Variants in FKBP15 observed in about 807,000 individuals in gnomAD.
FKBP15 encodes FKBP prolyl isomerase family member 15, also known as FK506-binding protein 15.
Under a neutral mutation model 158.1 loss-of-function variants are expected in FKBP15, and 106 were observed. That is an observed-to-expected ratio of 0.67 (90% CI 0.57 to 0.79). The LOEUF is 0.79. Ranked by LOEUF, FKBP15 falls within the 30% of genes least tolerant of loss-of-function variation. FKBP15 has a pLI of 0.00. For missense variants in FKBP15, 1,287 were observed against 1,479.1 expected, an observed-to-expected ratio of 0.87 and a Z score of 2.13; for synonymous variants, 547 against 548.6, an observed-to-expected ratio of 1.00 and a Z score of 0.04.
At chr9:113,216,115 A>G (rs1831127999) in intron 1 of FKBP15, among the ~76,000 whole-genome samples, 1 of 143,848 alleles carries the variant, frequency 7.0e-6, no homozygotes, top group South Asian at 2.2e-4. Flanking sequence ...TGCAAGGCAC[A>G]ATAAAGCAAA....
At chr9:113,183,375 G>T (rs1187175646) in intron 18 of FKBP15, among the ~76,000 whole-genome samples, 1 of 151,372 alleles carries the variant, frequency 6.6e-6, no homozygotes, top group Non-Finnish European at 1.5e-5. Flanking sequence ...GTGAAGTTTT[G>T]GCTGAGTTCT....
At position 113,184,333 on chromosome 9, in the gene FKBP15, C is replaced by G. The variant is rs2118888693; in HGVS notation, c.1675G>C (p.Glu559Gln). 2 of 1,605,952 alleles carry G rather than the reference C, an allele frequency of 1.2e-6. No homozygotes were observed. Among genetic ancestry groups the G allele is most frequent in the East Asian group, 4.5e-5 (2 of 44,754 alleles). ...ATGTTGCTCATAATCATGCTTGTTT[C>G]CATTGTAACTGACATGCTAGGAATA... ...MLIPSMSVTM[E>Q]TSMIMSNIQR... is the part of the protein sequence containing the mutation. The change falls in exon 17 of 28, where the codon GAA becomes CAA. Residue 559 changes from glutamate to glutamine, a missense_variant. Coordinates refer to ENST00000238256, the MANE Select transcript of FKBP15 (RefSeq NM_015258.2). This position sits in a 1 kb window ranked among gnomAD's most constrained non-coding sequence, Gnocchi z 4.5.
chr9:113,191,411 G>C (rs1830572728), intron 11 of FKBP15, among the ~76,000 whole-genome samples: 1 of 151,766 alleles, frequency 6.6e-6, no homozygotes, highest in Admixed American at 6.6e-5. Flanking sequence ...AAGACACTGA[G>C]TTTGCTTACA....
rs767730507 is a variant in FKBP15, at chr9:113,207,223, A to G, written c.243T>C (p.His81=). ...TPTILVATAV[H]AYRYTNGQYV... is the part of the protein sequence containing the mutation. ...TCTCAGCGACTTACTATCGATATGC[A>G]TGGACTGCTGTTGCGACCAGTATTG... The change falls in exon 3 of 28, where the codon CAT becomes CAC. Residue 81 remains histidine (H), a synonymous_variant. Coordinates refer to ENST00000238256, the MANE Select transcript of FKBP15 (RefSeq NM_015258.2). 27 of 1,612,640 alleles carry G rather than the reference A, an allele frequency of 1.7e-5. No homozygotes were observed. In the South Asian group the frequency reaches 2.6e-4, roughly 16 times the overall value.
At position 113,163,722 on chromosome 9, in the gene FKBP15, C is replaced by T. The variant is rs1405821736; in HGVS notation, c.*2356G>A. 1.3e-5 allele frequency: 2 copies of T among 152,458 alleles called. No homozygotes were observed. The highest frequency in any genetic ancestry group is 4.8e-5 in the African/African-American group (2 of 41,470). 9.4% of individuals were successfully genotyped at this position (152,458 alleles called of 1,614,324 possible). A position where few individuals can be genotyped will look rare whatever the true frequency, so the allele number is the denominator to read the frequency against. On this transcript the variant is annotated 3_prime_UTR_variant, in exon 28 of 28. Transcript: ENST00000238256. ...GCACTGCCTGCAGGAAGAAGATGAT[C>T]TGATGGCCGTGGGTGTCTGGGAAGC...
chr9:113,206,911 T>C, intron 3 of FKBP15: 2 of 435,304 alleles, frequency 4.6e-6, no homozygotes, highest in South Asian at 3.4e-5. Flanking sequence ...GCTCATATAC[T>C]ATTCCCTTAC....
chr9:113,207,385 G>T (rs1830910965), intron 2 of FKBP15, 89 bp from the exon 3 acceptor site: 2 of 969,504 alleles, frequency 2.1e-6, no homozygotes, highest in African/African-American at 2.0e-5. Flanking sequence ...TGTCACCCAG[G>T]CTGGAGTGCA....
intron 9 of FKBP15, among the ~76,000 whole-genome samples, chr9:113,194,628 A>G (rs1200820408): frequency 6.6e-6 from 1 of 152,130 alleles, no homozygotes; most frequent in Non-Finnish European, 1.5e-5. Flanking sequence ...TCCAACTACC[A>G]TTATATTATC....
chr9:113,188,973 C>T (rs1486385567), intron 12 of FKBP15, among the ~76,000 whole-genome samples: 1 of 152,204 alleles, frequency 6.6e-6, no homozygotes, highest in Non-Finnish European at 1.5e-5. Flanking sequence ...GATTAACATG[C>T]TGTTTTTGGA....
intron 19 of FKBP15, among the ~76,000 whole-genome samples, chr9:113,179,261 T>G (rs1406294955): frequency 2.0e-5 from 3 of 152,200 alleles, no homozygotes; most frequent in Non-Finnish European, 4.4e-5. Context: ...CTTCTTACTG[T>G]GTTCACTGTA....
intron 4 of FKBP15, among the ~76,000 whole-genome samples, chr9:113,203,566 C>T (rs578033740): frequency 2.6e-5 from 4 of 151,112 alleles, no homozygotes; most frequent in Non-Finnish European, 4.4e-5. Context: ...GTCTCTCTGT[C>T]GCCCAGGCTG....
chr9:113,190,274 C>T (rs1212029639), intron 12 of FKBP15, among the ~76,000 whole-genome samples, 197 bp downstream of exon 12: 11 of 152,192 alleles, frequency 7.2e-5, no homozygotes, highest in Admixed American at 7.2e-4. Flanking sequence ...AAAAGATCTA[C>T]AAAATTGCTT....
rs1440777519 is a variant in FKBP15 at position 113,174,442 on chromosome 9, C to T, written c.2365G>A (p.Ala789Thr). ...LKKTRVSTDQ[A>T]AAEQLSLVQA... ...TTTCCCATTACCTGCTCTGCAGCTG[C>T]TTGGTCTGTGGACACTCGAGTCTTT... is the stretch of plus-strand genomic sequence containing the variant. Residue 789 changes from alanine (A) to threonine (T), a missense_variant, in exon 22 of 28, where the codon GCA becomes ACA. By Grantham distance (58) the Ala-to-Thr change is moderately conservative (BLOSUM62 0). Coordinates refer to ENST00000238256, the MANE Select transcript of FKBP15 (RefSeq NM_015258.2). 4 of 1,613,868 alleles carry T rather than the reference C, an allele frequency of 2.5e-6. No homozygotes were observed. The highest frequency in any genetic ancestry group is 3.4e-6 in the Non-Finnish European group (4 of 1,179,834).
rs1344612036 is a variant in FKBP15, at chr9:113,211,438, C to T, written c.169+39G>A. The stretch of plus-strand genomic sequence containing the variant: ...CCTCCCAAAGTGCTGGGATTACAGG[C>T]ATTAGCCACCTCGCTCGGCTAATAC... On this transcript the variant is annotated intron_variant, in intron 2 of 27. Transcript: ENST00000238256. 14 of 1,496,320 alleles carry T rather than the reference C, an allele frequency of 9.4e-6. No homozygotes were observed. In the South Asian group the frequency reaches 1.6e-4, roughly 17 times the overall value. The allele number at this position is 1,496,320 out of a possible 1,614,324, so 92.7% of individuals were successfully genotyped here.
intron 25 of FKBP15, among the ~76,000 whole-genome samples, 167 bp downstream of exon 25, chr9:113,170,355 C>T (rs971114985): frequency 1.3e-5 from 2 of 152,168 alleles, no homozygotes; most frequent in Non-Finnish European, 2.9e-5. Context: ...TGGTCTCAAG[C>T]TCCTGGCCTC....
Position 113,162,930 on chromosome 9 carries a change from G to C in FKBP15, c.*3148C>G. The C allele has an allele frequency of 6.3e-7, 1 of 1,587,806 alleles. No individual in the cohort carries two copies. The highest frequency in any genetic ancestry group is 1.1e-5 in the South Asian group (1 of 87,970). The stretch of plus-strand genomic sequence containing the variant: ...CAGCACAGCTTAGCTGGTGAGGAAC[G>C]TGCAGGCACTGAGGCTGGAGGGACA... On this transcript the variant is annotated 3_prime_UTR_variant, in exon 28 of 28. Coordinates refer to ENST00000238256, the MANE Select transcript of FKBP15 (RefSeq NM_015258.2).
intron 8 of FKBP15, among the ~76,000 whole-genome samples, chr9:113,197,454 G>C (rs1830708168): frequency 6.6e-6 from 1 of 152,132 alleles, no homozygotes; most frequent in Non-Finnish European, 1.5e-5. Flanking sequence ...GATCACCTGA[G>C]GTCAGGGGTT....
At chr9:113,185,907 T>G (rs955746222) in intron 15 of FKBP15, among the ~76,000 whole-genome samples, 11 of 152,166 alleles carry the variant, frequency 7.2e-5, no homozygotes, top group Admixed American at 6.5e-4. Flanking sequence ...CTATTTTCTC[T>G]AAACTCTAGC....
chr9:113,188,453 C>T lies in FKBP15; in HGVS notation c.1212G>A (p.Val404=). The T allele has an allele frequency of 3.7e-6, 6 of 1,613,926 alleles. No individual in the cohort carries two copies. Among genetic ancestry groups the T allele is most frequent in the Non-Finnish European group, 5.1e-6 (6 of 1,179,856 alleles). Residue 404 remains valine, a synonymous_variant, in exon 13 of 28, where the codon GTG becomes GTA. Coordinates refer to ENST00000238256, the MANE Select transcript of FKBP15 (RefSeq NM_015258.2). The stretch of plus-strand genomic sequence containing the variant: ...GAAGAGAGGGCTGGACGGACGGAGT[C>T]ACCACAGGCTGCCCACCTCCTTGCA... ...NTLQGGGQPV[V]TPSVQPSLHP...
Sources: allele counts gnomAD v4.1 joint callset (sites outside exome capture counted in the v4.1 genomes callset), GRCh38; gene constraint gnomAD v4.1.1; non-coding constraint Gnocchi (gnomAD v3.1); transcripts MANE v1.5; gene names NCBI Gene and HGNC (gene_info 2026-07-23, HGNC 2026-07-21).